CWF19L2: variants seen among roughly 807,000 people sequenced by gnomAD.
The protein encoded by CWF19L2 is CWF19 like cell cycle control factor 2.
In CWF19L2, 98 loss-of-function variants were observed where a neutral mutation model predicts 111.7. That is an observed-to-expected ratio of 0.88 (90% CI 0.75 to 1.04). The LOEUF is 1.04. Among genes scored for constraint, CWF19L2 ranks in the 50% least tolerant of loss-of-function variants. The pLI is 0.00. For missense variants in CWF19L2, 1,101 were observed against 1,051.4 expected, an observed-to-expected ratio of 1.05 and a Z score of -0.65; for synonymous variants, 351 against 342.9, an observed-to-expected ratio of 1.02 and a Z score of -0.26.
chr11:107,404,216 T>C (rs1296793847), intron 10 of CWF19L2: 1 of 777,322 alleles, frequency 1.3e-6, no homozygotes, highest in African/African-American at 1.7e-5. Context: ...ATAAATTCAT[T>C]GTACTCTTTC....
intron 10 of CWF19L2, chr11:107,404,039 C>T (rs573858703): frequency 3.2e-5 from 25 of 769,838 alleles, no homozygotes; most frequent in Non-Finnish European, 6.0e-5. Context: ...TCACTAAAAA[C>T]CCATCATCAT....
Position 107,416,277 on chromosome 11 carries a change from C to CT in CWF19L2, c.1548dup (p.Val517SerfsTer4). The stretch of plus-strand genomic sequence containing the variant: ...AATTTATTTGCCTTTTCAAGTTGAA[C>CT]TTTAAGTTGTTCAGCTAATTCCTTC... On this transcript the variant is annotated frameshift_variant, in exon 10 of 18. Coordinates refer to ENST00000282251, the MANE Select transcript of CWF19L2 (RefSeq NM_152434.3). LOFTEE classifies it high-confidence loss of function. The CT allele has an allele frequency of 6.8e-7, 1 of 1,472,454 alleles. No individual in the cohort carries two copies. Among genetic ancestry groups the CT allele is most frequent in the Non-Finnish European group, 9.1e-7 (1 of 1,098,688 alleles). 91.2% of individuals were successfully genotyped at this position (1,472,454 alleles called of 1,614,324 possible).
At chr11:107,370,368 G>C (rs1454705133) in intron 12 of CWF19L2, among the ~76,000 whole-genome samples, 1 of 137,048 alleles carries the variant, frequency 7.3e-6, no homozygotes, top group African/African-American at 2.9e-5. Context: ...TTAAAATCTT[G>C]TGAGTTATCA....
intron 12 of CWF19L2, among the ~76,000 whole-genome samples, chr11:107,380,517 TA>T (rs1437925413): frequency 2.0e-5 from 3 of 152,072 alleles, no homozygotes; most frequent in Non-Finnish European, 4.4e-5. Flanking sequence ...TCACAACTGA[TA>T]CCACTTCACA....
chr11:107,345,206 A>C (rs545164464), intron 14 of CWF19L2, among the ~76,000 whole-genome samples: 3 of 151,600 alleles, frequency 2.0e-5, no homozygotes, highest in Admixed American at 2.0e-4. Context: ...CTATGCTTAT[A>C]AACTTTTATT....
At position 107,336,725 on chromosome 11, in the gene CWF19L2, AAAG is replaced by A. The variant is rs776239687; in HGVS notation, c.2203-15_2203-13del. 5 of 1,380,504 alleles carry A rather than the reference AAAG, an allele frequency of 3.6e-6. No individual in the cohort carries two copies. The Admixed American group carries it at 8.8e-5, about 24-fold the overall frequency. The allele number at this position is 1,380,504 out of a possible 1,614,324, so 85.5% of individuals were successfully genotyped here. ...GATTTTCTGAACATCTAAAAAAAAA[AAAG>A]AACTAGGTAAAGAAAACACTTAAAG... On this transcript the variant is annotated splice_polypyrimidine_tract_variant and intron_variant, in intron 14 of 17. Coordinates refer to ENST00000282251, the MANE Select transcript of CWF19L2 (RefSeq NM_152434.3).
intron 13 of CWF19L2, among the ~76,000 whole-genome samples, chr11:107,351,338 G>C (rs994968103): frequency 6.6e-6 from 1 of 152,102 alleles, no homozygotes; most frequent in Non-Finnish European, 1.5e-5. Flanking sequence ...AGCAACTGGA[G>C]GATGAAAGTG....
At chr11:107,343,596 A>AT (rs1168275769) in intron 14 of CWF19L2, among the ~76,000 whole-genome samples, 2 of 139,158 alleles carry the variant, frequency 1.4e-5, no homozygotes, top group Admixed American at 7.0e-5. Context: ...GAGATATTCT[A>AT]TTTTTATTTT....
intron 7 of CWF19L2, among the ~76,000 whole-genome samples, chr11:107,431,946 C>A (rs527671314): frequency 6.6e-6 from 1 of 151,880 alleles, no homozygotes; most frequent in Non-Finnish European, 1.5e-5. Context: ...AATATATATT[C>A]CAGAAAAATT....
At chr11:107,333,746 C>T (rs952427231) in intron 16 of CWF19L2, among the ~76,000 whole-genome samples, 4 of 152,182 alleles carry the variant, frequency 2.6e-5, no homozygotes, top group African/African-American at 9.6e-5. Context: ...AATCTTTTGA[C>T]TGGAATATAA....
At position 107,455,693 on chromosome 11, in the gene CWF19L2, C is replaced by G. The variant is rs1861843711; in HGVS notation, c.189G>C (p.Val63=). The G allele has an allele frequency of 6.5e-7, 1 of 1,549,748 alleles. No individual in the cohort carries two copies. Among genetic ancestry groups the G allele is most frequent in the African/African-American group, 1.4e-5 (1 of 72,992 alleles). The change falls in exon 2 of 18, where the codon GTG becomes GTC. Residue 63 remains valine, a synonymous_variant. Coordinates refer to ENST00000282251, the MANE Select transcript of CWF19L2 (RefSeq NM_152434.3). ...GTGAGAACTGTTCAATTCTCTCATTCACATCAGGTAGCATCCATGTATCCT... is the reference window on the plus strand; with the variant it reads ...GTGAGAACTGTTCAATTCTCTCATTGACATCAGGTAGCATCCATGTATCCT... ...RGEDTWMLPD[V]NERIEQFSQE... is the part of the protein sequence containing the mutation.
At chr11:107,374,905 A>C (rs1186091427) in intron 12 of CWF19L2, among the ~76,000 whole-genome samples, 1 of 150,692 alleles carries the variant, frequency 6.6e-6, no homozygotes, top group Non-Finnish European at 1.5e-5. Context: ...ACATAGGCTC[A>C]AAATAAAAGG....
At chr11:107,335,132 T>C (rs557918383) in intron 15 of CWF19L2, among the ~76,000 whole-genome samples, 171 bp from the exon 16 acceptor site, 41 of 152,342 alleles carry the variant, frequency 2.7e-4, no homozygotes, top group Non-Finnish European at 4.4e-4. Context: ...TCTTAAATTT[T>C]TGAAATCTTA....
At chr11:107,400,543 T>C (rs1860985616) in intron 10 of CWF19L2, among the ~76,000 whole-genome samples, 2 of 151,920 alleles carry the variant, frequency 1.3e-5, no homozygotes, top group South Asian at 2.1e-4. Flanking sequence ...AACAGACCAA[T>C]AACAAGCAGT....
chr11:107,417,549 A>G (rs1861244225), intron 9 of CWF19L2, among the ~76,000 whole-genome samples: 1 of 152,210 alleles, frequency 6.6e-6, no homozygotes, highest in South Asian at 2.1e-4. Flanking sequence ...TCTTACAAAT[A>G]TATGACAAAA....
intron 1 of CWF19L2, among the ~76,000 whole-genome samples, chr11:107,457,304 T>C (rs1296814265): frequency 6.6e-6 from 1 of 152,168 alleles, no homozygotes; most frequent in African/African-American, 2.4e-5. Flanking sequence ...TCTATTCAAG[T>C]GTGACTTGAA....
chr11:107,350,650 C>T (rs1373188224), intron 13 of CWF19L2, among the ~76,000 whole-genome samples: 1 of 151,388 alleles, frequency 6.6e-6, no homozygotes, highest in African/African-American at 2.4e-5. Flanking sequence ...TATAGTAGCC[C>T]GAACTAAGAC....
Position 107,360,895 on chromosome 11 carries a change from G to C in CWF19L2, c.1873-7159C>G, listed in dbSNP as rs1291037333. Among the ~76,000 whole-genome samples, 4 of 152,240 alleles carry C rather than the reference G, an allele frequency of 2.6e-5. No homozygotes were observed. In the East Asian group the frequency reaches 7.7e-4, roughly 29 times the overall value. Reference sequence around the variant, plus strand: ...CTTGGATATTAGACCCTTGACAAATGCATATTTTGCAAATATTTTCTCGCA... The same window carrying C: ...CTTGGATATTAGACCCTTGACAAATCCATATTTTGCAAATATTTTCTCGCA... On this transcript the variant is annotated intron_variant, in intron 12 of 17. Coordinates refer to ENST00000282251, the MANE Select transcript of CWF19L2 (RefSeq NM_152434.3).
At chr11:107,380,046 C>CAAAAAAAAAAAAAAAAA (rs66699460) in intron 12 of CWF19L2, among the ~76,000 whole-genome samples, 5 of 34,490 alleles carry the variant, frequency 1.4e-4, no homozygotes, top group Non-Finnish European at 2.0e-4. Context: ...GACACCGTCT[C>CAAAAAAAAAAAAAAAAA]AAAAAAAAAA....
Sources: allele counts gnomAD v4.1 joint callset (sites outside exome capture counted in the v4.1 genomes callset), GRCh38; gene constraint gnomAD v4.1.1; transcripts MANE v1.5; gene names NCBI Gene and HGNC (gene_info 2026-07-23, HGNC 2026-07-21).